Variants in IMMP2L observed in about 807,000 individuals in gnomAD.
IMMP2L encodes the protein inner mitochondrial membrane peptidase subunit 2.
Under a neutral mutation model 19.3 loss-of-function variants are expected in IMMP2L, and 18 were observed. The observed-to-expected ratio is 0.93, with a 90% CI of 0.64 to 1.38. The LOEUF is 1.38. Among genes scored for constraint, IMMP2L ranks in the 40% most tolerant of loss-of-function variants. The probability of loss-of-function intolerance (pLI) is 0.00; values close to 1 mark genes in which losing one functional copy is unlikely to be tolerated. For missense variants in IMMP2L, 233 were observed against 218.2 expected (o/e 1.07, Z -0.43); for synonymous variants, 76 against 73.0 (o/e 1.04, Z -0.21).
chr7:110,776,881 T>C (rs1437635979), intron 5 of IMMP2L, among the ~76,000 whole-genome samples: 2 of 152,018 alleles, frequency 1.3e-5, no homozygotes, highest in African/African-American at 4.8e-5. Context: ...TTATTCTATC[T>C]TATTGCAGAG....
At chr7:110,809,888 C>G (rs1257607561) in intron 5 of IMMP2L, among the ~76,000 whole-genome samples, 2 of 152,052 alleles carry the variant, frequency 1.3e-5, no homozygotes, top group Non-Finnish European at 2.9e-5. Flanking sequence ...CTCCTCTTTG[C>G]CACTGCTCAC....
At chr7:111,217,122 T>TCACACACACACACACA (rs1333152322) in intron 3 of IMMP2L, among the ~76,000 whole-genome samples, 1 of 140,396 alleles carries the variant, frequency 7.1e-6, no homozygotes, top group African/African-American at 2.8e-5. Context: ...TCTCTCTCTC[T>TCACACACACACACACA]CTCTCACACA....
chr7:111,164,990 G>T (rs1805668171), intron 3 of IMMP2L, among the ~76,000 whole-genome samples: 1 of 151,806 alleles, frequency 6.6e-6, no homozygotes, highest in Admixed American at 6.6e-5. Flanking sequence ...ACATTGTTCT[G>T]TTACCATCAC....
chr7:111,488,381 T>C (rs1192149287), intron 2 of IMMP2L, among the ~76,000 whole-genome samples: 1 of 152,166 alleles, frequency 6.6e-6, no homozygotes, highest in Non-Finnish European at 1.5e-5. Context: ...GTGTCATTCT[T>C]ATGCCTTTGT....
chr7:110,684,565 A>G (rs1357890319), intron 5 of IMMP2L, among the ~76,000 whole-genome samples: 1 of 152,006 alleles, frequency 6.6e-6, no homozygotes, highest in Non-Finnish European at 1.5e-5. Flanking sequence ...TCAGGCAAGC[A>G]GATGAGGTTG....
chr7:110,834,335 T>G (rs1205126850), intron 5 of IMMP2L, among the ~76,000 whole-genome samples: 1 of 150,562 alleles, frequency 6.6e-6, no homozygotes, highest in African/African-American at 2.4e-5. Flanking sequence ...CAGGCCTTAC[T>G]GGTCATATTA....
intron 2 of IMMP2L, among the ~76,000 whole-genome samples, chr7:111,497,332 A>G (rs1843687479): frequency 1.3e-5 from 2 of 152,186 alleles, no homozygotes; most frequent in Admixed American, 1.3e-4. Flanking sequence ...ATATACAAAG[A>G]TATTCATAAT....
chr7:110,896,860 G>A (rs1023547311), intron 4 of IMMP2L, among the ~76,000 whole-genome samples: 1 of 151,908 alleles, frequency 6.6e-6, no homozygotes, highest in Non-Finnish European at 1.5e-5. Context: ...AGGCTAGAGT[G>A]CAGTGGCATG....
At chr7:111,479,202 G>C (rs1340535023) in intron 3 of IMMP2L, among the ~76,000 whole-genome samples, 1 of 152,132 alleles carries the variant, frequency 6.6e-6, no homozygotes, top group African/African-American at 2.4e-5. Context: ...CTTGGCCTGT[G>C]TTGCTTGCAA....
chr7:111,532,844 G>GC (rs1847530105), intron 1 of IMMP2L, among the ~76,000 whole-genome samples: 1 of 152,162 alleles, frequency 6.6e-6, no homozygotes, highest in Non-Finnish European at 1.5e-5. Context: ...TATGGCAGCT[G>GC]CAAGTCCATG....
chr7:110,828,531 A>G lies in IMMP2L; in HGVS notation c.408+58062T>C, dbSNP rs542559743. On this transcript the variant is annotated intron_variant, in intron 5 of 5. Transcript: ENST00000405709. ...AAATTCCAAAGAATCACTGCAGAGT[A>G]TGTCTCCTCCCCTGATACTCCTAAT... 4.6e-5 allele frequency among the ~76,000 whole-genome samples: 7 copies of G among 152,280 alleles called. No individual in the cohort carries two copies. In the South Asian group the frequency reaches 1.4e-3, roughly 32 times the overall value.
chr7:110,872,650 A>T (rs1397599989), intron 5 of IMMP2L, among the ~76,000 whole-genome samples: 1 of 152,134 alleles, frequency 6.6e-6, no homozygotes, highest in Non-Finnish European at 1.5e-5. Flanking sequence ...AGCCCTTGAC[A>T]ATGATTGACT....
chr7:110,898,393 C>T (rs913578379), intron 4 of IMMP2L, among the ~76,000 whole-genome samples: 2 of 151,958 alleles, frequency 1.3e-5, no homozygotes, highest in African/African-American at 4.8e-5. Context: ...TGGAAATATC[C>T]TTCATTTTGC....
At chr7:111,459,117 A>G (rs1214047638) in intron 3 of IMMP2L, among the ~76,000 whole-genome samples, 1 of 152,160 alleles carries the variant, frequency 6.6e-6, no homozygotes. Context: ...TGAGTTCACA[A>G]TATTCTATGA....
chr7:110,750,002 G>T (rs1287235426), intron 5 of IMMP2L, among the ~76,000 whole-genome samples: 1 of 152,054 alleles, frequency 6.6e-6, no homozygotes, highest in East Asian at 1.9e-4. Flanking sequence ...TAGACAAGCT[G>T]CCAGGACTAA....
intron 5 of IMMP2L, among the ~76,000 whole-genome samples, chr7:110,790,049 T>C (rs1003357394): frequency 1.3e-5 from 2 of 151,730 alleles, no homozygotes; most frequent in African/African-American, 4.9e-5. Flanking sequence ...TCCTGTAGGA[T>C]GAAAGCTTGC....
intron 3 of IMMP2L, among the ~76,000 whole-genome samples, chr7:111,114,364 A>G (rs2129584834): frequency 6.6e-6 from 1 of 152,300 alleles, no homozygotes; most frequent in South Asian, 2.1e-4. Context: ...GTGAATAAGC[A>G]TGAAAAACTA....
At chr7:111,370,294 C>T (rs2131093798) in intron 3 of IMMP2L, among the ~76,000 whole-genome samples, 1 of 151,006 alleles carries the variant, frequency 6.6e-6, no homozygotes, top group Non-Finnish European at 1.5e-5. Context: ...TTAATTTCCC[C>T]TCCAGTAATA....
Position 111,251,271 on chromosome 7 carries a change from G to A in IMMP2L, c.239+235967C>T, listed in dbSNP as rs543803355. On this transcript the variant is annotated intron_variant, in intron 3 of 5. Coordinates refer to ENST00000405709, the MANE Select transcript of IMMP2L (RefSeq NM_032549.4). ...CAACAAATGATGGCCAGATTGCAGA[G>A]AAAACACTTTTACACTGTTTATGGG... 3.3e-5 allele frequency among the ~76,000 whole-genome samples: 5 copies of A among 152,188 alleles called. No individual in the cohort carries two copies. In the South Asian group the frequency reaches 1.0e-3, roughly 32 times the overall value.
Sources: gnomAD v4.1 joint callset for allele counts (sites outside exome capture counted in the v4.1 genomes callset) on GRCh38, gnomAD v4.1.1 for gene constraint, MANE v1.5 for transcripts, NCBI Gene and HGNC (gene_info 2026-07-23, HGNC 2026-07-21) for gene names.